GTF2IRD2: variants seen among roughly 807,000 people sequenced by gnomAD.
GTF2IRD2 encodes GTF2I repeat domain containing 2.
Under a neutral mutation model 49.2 loss-of-function variants are expected in GTF2IRD2, and 8 were observed. The observed-to-expected ratio is 0.16, with a 90% CI of 0.10 to 0.29. The LOEUF (loss-of-function observed/expected upper bound fraction) is 0.29. Among genes scored for constraint, GTF2IRD2 ranks in the 10% least tolerant of loss-of-function variants. The pLI, the probability that GTF2IRD2 is intolerant of heterozygous loss-of-function variation, is 1.00. For synonymous variants in GTF2IRD2, 47 were observed against 289.7 expected, an observed-to-expected ratio of 0.16 and a Z score of 8.51; for missense variants, 130 against 725.7, an observed-to-expected ratio of 0.18 and a Z score of 9.43.
Position 74,796,455 on chromosome 7 carries a change from G to C in GTF2IRD2, c.*207C>G. Reference sequence around the variant, plus strand: ...CGCACGCCTGTAGTCCCAGCTGCTCGGGAGGCTGAGGCAGGAGAATCGTTC... The same window carrying C: ...CGCACGCCTGTAGTCCCAGCTGCTCCGGAGGCTGAGGCAGGAGAATCGTTC... On this transcript the variant is annotated 3_prime_UTR_variant, in exon 16 of 16. Transcript: ENST00000451013. 2 of 537,774 alleles carry C rather than the reference G, an allele frequency of 3.7e-6. No homozygotes were observed. Among genetic ancestry groups the C allele is most frequent in the East Asian group, 3.3e-5 (1 of 30,218 alleles). The allele number at this position is 537,774 out of a possible 1,614,324, so 33.3% of individuals were successfully genotyped here.
intron 15 of GTF2IRD2, among the ~76,000 whole-genome samples, chr7:74,799,921 C>CAAAAAA (rs1160840166): frequency 7.2e-5 from 1 of 13,950 alleles, no homozygotes; most frequent in African/African-American, 5.0e-4. Context: ...CCTGTCTCTA[C>CAAAAAA]AAAAAAAAAA....
In GTF2IRD2 at chr7:74,796,483, A is replaced by C; in HGVS notation, c.*179T>G. On this transcript the variant is annotated 3_prime_UTR_variant, in exon 16 of 16. Transcript: ENST00000451013. ...AGGCTGAGGCAGGAGAATCGTTCGAACCCAGGAGCTGGAAGTTGCAGTAAG... is the reference window on the plus strand; with the variant it reads ...AGGCTGAGGCAGGAGAATCGTTCGACCCCAGGAGCTGGAAGTTGCAGTAAG... 1 of 566,490 alleles carries C rather than the reference A, an allele frequency of 1.8e-6. No homozygotes were observed. Among genetic ancestry groups the C allele is most frequent in the Non-Finnish European group, 3.2e-6 (1 of 316,536 alleles). The allele number at this position is 566,490 out of a possible 1,614,324, so 35.1% of individuals were successfully genotyped here. A position where few individuals can be genotyped will look rare whatever the true frequency, so the allele number is the denominator to read the frequency against.
In GTF2IRD2 at chr7:74,831,532, C is replaced by T. The variant is rs1445650818; in HGVS notation, c.238+1273G>A. On this transcript the variant is annotated intron_variant, in intron 3 of 15. Transcript: ENST00000451013. ...ACACACACACACACACACACACACA[C>T]ACACACACACACCCTTATACCCTCT... 4.0e-5 allele frequency among the ~76,000 whole-genome samples: 6 copies of T among 149,492 alleles called. No individual in the cohort carries two copies. In the East Asian group the frequency reaches 1.2e-3, roughly 29 times the overall value.
rs1267485322 is a variant in GTF2IRD2, at chr7:74,797,376, C to T, written c.2136G>A (p.Lys712=). Residue 712 remains lysine, a synonymous_variant, in exon 16 of 16, where the codon AAG becomes AAA. Coordinates refer to ENST00000451013, the MANE Select transcript of GTF2IRD2 (RefSeq NM_173537.5). ...YGSLLYYTEI[K]WLSRGLVLKR... is the part of the protein sequence containing the mutation. ...TTAGCACGAGCCCGCGACTGAGCCA[C>T]TTAATCTCCGTGTAGTACAGGAGGC... is the stretch of plus-strand genomic sequence containing the variant. 4 of 1,461,602 alleles carry T rather than the reference C, an allele frequency of 2.7e-6. No homozygotes were observed. The highest frequency in any genetic ancestry group is 3.8e-6 in the Non-Finnish European group (4 of 1,045,502). The allele number at this position is 1,461,602 out of a possible 1,614,324, so 90.5% of individuals were successfully genotyped here.
At chr7:74,824,823 C>A in intron 4 of GTF2IRD2, 110 bp downstream of exon 4, 2 of 365,400 alleles carry the variant, frequency 5.5e-6, no homozygotes, top group Non-Finnish European at 6.8e-6. Flanking sequence ...ACCCAGGAGG[C>A]GGAGGTTGCA....
At chr7:74,818,752 G>A (rs1355089543) in intron 8 of GTF2IRD2, 2 of 150,334 alleles carry the variant, frequency 1.3e-5, no homozygotes, top group South Asian at 2.1e-4. Context: ...ACCCTGCCAA[G>A]GCTTGTTTTC....
rs587761571 is a variant in GTF2IRD2 at position 74,822,840 on chromosome 7, T to C, written c.359-33A>G. ...AAGACGCAAACGTCTTTGGATGGTG[T>C]GAACCTAACGTTCTACCAGTTTTTT... On this transcript the variant is annotated intron_variant, in intron 4 of 15. Transcript: ENST00000451013. The C allele has an allele frequency of 3.9e-4, 604 of 1,550,364 alleles. 18 individuals are homozygous for C. Among genetic ancestry groups the C allele is most frequent in the Non-Finnish European group, 5.0e-4 (572 of 1,154,928 alleles).
chr7:74,818,569 C>T (rs1318571378), intron 8 of GTF2IRD2, among the ~76,000 whole-genome samples: 3 of 136,316 alleles, frequency 2.2e-5, no homozygotes, highest in Non-Finnish European at 4.6e-5. Flanking sequence ...AAGCGATCCT[C>T]CCACCTCAGC....
intron 3 of GTF2IRD2, among the ~76,000 whole-genome samples, chr7:74,831,293 G>C (rs1169188377): frequency 6.8e-6 from 1 of 147,438 alleles, no homozygotes; most frequent in African/African-American, 2.5e-5. Context: ...ATCCATCTAA[G>C]CTATCTACAT....
intron 1 of GTF2IRD2, among the ~76,000 whole-genome samples, chr7:74,838,049 C>CGGTATTGTTTTTCATAG (rs1800463405): frequency 1.5e-5 from 1 of 65,562 alleles, no homozygotes; most frequent in Non-Finnish European, 2.6e-5. Context: ...CGCGCCCGGC[C>CGGTATTGTTTTTCATAG]CGCACCCAGC....
chr7:74,815,478 C>T (rs1798421830), intron 8 of GTF2IRD2, among the ~76,000 whole-genome samples: 1 of 91,120 alleles, frequency 1.1e-5, no homozygotes, highest in South Asian at 5.0e-4. Context: ...TGGCCTGGTG[C>T]GGTGGCTCAT....
intron 1 of GTF2IRD2, among the ~76,000 whole-genome samples, chr7:74,842,562 A>G (rs1184535165): frequency 1.4e-5 from 2 of 143,724 alleles, no homozygotes; most frequent in Non-Finnish European, 3.0e-5. Context: ...ATTTTTTCTG[A>G]CAGGGTCTCA....
At position 74,822,342 on chromosome 7, in the gene GTF2IRD2, G is replaced by A. The variant is rs587701086; in HGVS notation, c.571+85C>T. ...TGGGATTACAGGTGTGAGCCATCACGCCCGGCCCCCAATTCAAGTTTTAAT... is the reference window on the plus strand; with the variant it reads ...TGGGATTACAGGTGTGAGCCATCACACCCGGCCCCCAATTCAAGTTTTAAT... On this transcript the variant is annotated intron_variant, in intron 6 of 15. Coordinates refer to ENST00000451013, the MANE Select transcript of GTF2IRD2 (RefSeq NM_173537.5). 19 of 673,474 alleles carry A rather than the reference G, an allele frequency of 2.8e-5. 1 individual carries two copies. Among genetic ancestry groups the A allele is most frequent in the South Asian group, 1.6e-4 (10 of 61,574 alleles). The allele number at this position is 673,474 out of a possible 1,614,324, so 41.7% of individuals were successfully genotyped here.
At chr7:74,822,907 C>G in intron 4 of GTF2IRD2, 100 bp from the exon 5 acceptor site, 1 of 1,369,844 alleles carries the variant, frequency 7.3e-7, no homozygotes, top group South Asian at 1.4e-5. Context: ...AACAGAGTCT[C>G]GCTCTGCCAC....
At position 74,815,356 on chromosome 7, in the gene GTF2IRD2, C is replaced by G. The variant is rs587727424; in HGVS notation, c.671-2540G>C. On this transcript the variant is annotated intron_variant, in intron 8 of 15. Coordinates refer to ENST00000451013, the MANE Select transcript of GTF2IRD2 (RefSeq NM_173537.5). Reference sequence around the variant, plus strand: ...ATCCCAGCTACTCGGAAGGCTGAAGCAGGAGAATCGCTTGAACCCGGGGGG... The same window carrying G: ...ATCCCAGCTACTCGGAAGGCTGAAGGAGGAGAATCGCTTGAACCCGGGGGG... 1.9e-4 allele frequency among the ~76,000 whole-genome samples: 15 copies of G among 80,128 alleles called. 3 individuals are homozygous for G. The highest frequency in any genetic ancestry group is 4.2e-4 in the African/African-American group (14 of 33,260). 52.6% of individuals were successfully genotyped at this position (80,128 alleles called of 152,430 possible).
intron 3 of GTF2IRD2, among the ~76,000 whole-genome samples, chr7:74,826,036 C>T (rs1332613767): frequency 6.6e-6 from 1 of 151,672 alleles, no homozygotes; most frequent in Non-Finnish European, 1.5e-5. Context: ...CCGCCTGCCT[C>T]GGCCTCCCAA....
intron 6 of GTF2IRD2, chr7:74,821,889 CT>C (rs1407107990): frequency 3.7e-5 from 2 of 54,266 alleles, no homozygotes; most frequent in African/African-American, 3.1e-4. Flanking sequence ...ATGTATTTTT[CT>C]TTTTTTAAAA....
rs1799951359 is a variant in GTF2IRD2 at position 74,832,847 on chromosome 7, C to G, written c.196G>C (p.Val66Leu). Reference sequence around the variant, plus strand: ...TTCTGAAAATCCGTCCTGGCATTAACAAAAGCGCATCCTCTCTCGGTTCCG... The same window carrying G: ...TTCTGAAAATCCGTCCTGGCATTAAGAAAAGCGCATCCTCTCTCGGTTCCG... ...VVGTERGCAF[V>L]NARTDFQKDF... is the part of the protein sequence containing the mutation. Residue 66 changes from valine (V) to leucine (L), a missense_variant, in exon 3 of 16, where the codon GTT becomes CTT. Coordinates refer to ENST00000451013, the MANE Select transcript of GTF2IRD2 (RefSeq NM_173537.5). The G allele has an allele frequency of 1.7e-6, 1 of 577,282 alleles. No individual in the cohort carries two copies. The highest frequency in any genetic ancestry group is 3.2e-5 in the African/African-American group (1 of 31,680). 35.8% of individuals were successfully genotyped at this position (577,282 alleles called of 1,614,324 possible).
At position 74,808,535 on chromosome 7, in the gene GTF2IRD2, ATCT is replaced by A. The variant is rs1376695426; in HGVS notation, c.871+570_871+572del. On this transcript the variant is annotated intron_variant, in intron 11 of 15. Coordinates refer to ENST00000451013, the MANE Select transcript of GTF2IRD2 (RefSeq NM_173537.5). ...GATCTAGAACTCCAGGGTTCAAATG[ATCT>A]TCTTGCCTTGGCCTCACAAAGTGCT... 6.8e-5 allele frequency among the ~76,000 whole-genome samples: 3 copies of A among 43,922 alleles called. 1 individual carries two copies. Among genetic ancestry groups the A allele is most frequent in the Non-Finnish European group, 1.6e-4 (3 of 18,372 alleles). 28.8% of individuals were successfully genotyped at this position (43,922 alleles called of 152,430 possible). A position where few individuals can be genotyped will look rare whatever the true frequency, so the allele number is the denominator to read the frequency against.
Sources: gnomAD v4.1 joint callset for allele counts (sites outside exome capture counted in the v4.1 genomes callset) on GRCh38, gnomAD v4.1.1 for gene constraint, MANE v1.5 for transcripts, NCBI Gene and HGNC (gene_info 2026-07-23, HGNC 2026-07-21) for gene names.